Variants in AKAP13 observed in about 807,000 individuals in gnomAD.
The protein encoded by AKAP13 is A-kinase anchoring protein 13.
A neutral mutation model predicts 264.5 loss-of-function variants in AKAP13; 80 were observed. That is an observed-to-expected ratio of 0.30 (90% CI 0.25 to 0.36). The LOEUF is 0.36. Among genes scored for constraint, AKAP13 ranks in the 10% least tolerant of loss-of-function variants. The pLI is 1.00. For synonymous variants in AKAP13, 1,380 were observed against 1,250.2 expected, an observed-to-expected ratio of 1.10 and a Z score of -2.19; for missense variants, 3,712 against 3,435.2, an observed-to-expected ratio of 1.08 and a Z score of -2.01.
intron 1 of AKAP13, among the ~76,000 whole-genome samples, chr15:85,390,575 AG>A (rs200766422): frequency 2.0e-4 from 14 of 69,082 alleles, no homozygotes; most frequent in Admixed American, 1.6e-3. Context: ...AGGCATGACA[AG>A]GTTGATTTAG....
chr15:85,741,192 C>A lies in AKAP13; in HGVS notation c.7755C>A (p.Ala2585=). Reference sequence around the variant, plus strand: ...TGGAGAAGCAGCGCCAGGACCTGGCCAACCTGCAGAAGCAGCAGGCCCAGT... The same window carrying A: ...TGGAGAAGCAGCGCCAGGACCTGGCAAACCTGCAGAAGCAGCAGGCCCAGT... ...RSLEKQRQDL[A]NLQKQQAQYL... The change falls in exon 35 of 37, where the codon GCC becomes GCA. Residue 2585 remains alanine, a synonymous_variant. Coordinates refer to ENST00000394518, the MANE Select transcript of AKAP13 (RefSeq NM_007200.5). 3 of 1,611,214 alleles carry A rather than the reference C, an allele frequency of 1.9e-6. No homozygotes were observed. Among genetic ancestry groups the A allele is most frequent in the Non-Finnish European group, 2.5e-6 (3 of 1,178,752 alleles).
intron 5 of AKAP13, among the ~76,000 whole-genome samples, chr15:85,566,337 A>G (rs1296874895): frequency 2.6e-5 from 4 of 152,226 alleles, no homozygotes; most frequent in African/African-American, 9.7e-5. Context: ...ATAAGATGCC[A>G]CACATATAAG....
chr15:85,396,544 T>C (rs2071121540), intron 1 of AKAP13, among the ~76,000 whole-genome samples: 2 of 152,214 alleles, frequency 1.3e-5, no homozygotes, highest in African/African-American at 4.8e-5. Context: ...AATTCACCCA[T>C]GCTTTACTAT....
At position 85,595,397 on chromosome 15, in the gene AKAP13, C is replaced by T. The variant is rs770396958; in HGVS notation, c.4161+9574C>T. ...TACAGGCATGAGCCACTGCACCCTG[C>T]CAAATACCAGATAATTTTTGAAAGT... On this transcript the variant is annotated intron_variant, in intron 8 of 36. Coordinates refer to ENST00000394518, the MANE Select transcript of AKAP13 (RefSeq NM_007200.5). 2.8e-4 allele frequency among the ~76,000 whole-genome samples: 42 copies of T among 152,284 alleles called. No individual in the cohort carries two copies. In the Middle Eastern group the frequency reaches 0.014, roughly 49 times the overall value.
At chr15:85,486,064 G>A (rs2075531640) in intron 2 of AKAP13, among the ~76,000 whole-genome samples, 1 of 152,180 alleles carries the variant, frequency 6.6e-6, no homozygotes, top group Non-Finnish European at 1.5e-5. Flanking sequence ...TACCTGCAGT[G>A]CATTCCTGTA....
intron 9 of AKAP13, among the ~76,000 whole-genome samples, chr15:85,642,533 T>C (rs1182296708): frequency 1.3e-5 from 2 of 152,218 alleles, no homozygotes; most frequent in African/African-American, 2.4e-5. Flanking sequence ...CTTTAGGGAT[T>C]CCCCCCACCT....
At chr15:85,692,105 C>T (rs987612508) in intron 16 of AKAP13, among the ~76,000 whole-genome samples, 1 of 152,160 alleles carries the variant, frequency 6.6e-6, no homozygotes, top group South Asian at 2.1e-4. Flanking sequence ...TCCGTGCATT[C>T]TCCTATCCTC....
chr15:85,389,148 G>C (rs747264538), intron 1 of AKAP13, among the ~76,000 whole-genome samples: 51 of 152,122 alleles, frequency 3.4e-4, no homozygotes, highest in Non-Finnish European at 1.0e-4. Flanking sequence ...TTTACAATAT[G>C]CATGCTTGGC....
intron 8 of AKAP13, among the ~76,000 whole-genome samples, chr15:85,599,728 C>T (rs1198449046): frequency 6.6e-6 from 1 of 152,134 alleles, no homozygotes; most frequent in Non-Finnish European, 1.5e-5. Context: ...CAAAATAATG[C>T]ATACCTTTTA....
chr15:85,472,423 C>T (rs764158163), intron 1 of AKAP13, among the ~76,000 whole-genome samples: 15 of 151,996 alleles, frequency 9.9e-5, no homozygotes, highest in South Asian at 2.1e-4. Context: ...ATATAACACT[C>T]GTTCTGGATT....
intron 1 of AKAP13, among the ~76,000 whole-genome samples, chr15:85,399,513 A>AAATAAAT (rs1567038554): frequency 1.4e-5 from 1 of 69,966 alleles, no homozygotes; most frequent in African/African-American, 5.5e-5. Context: ...AAAAAAAAAA[A>AAATAAAT]AAAAAAAAAT....
chr15:85,677,891 G>A (rs530153224), intron 14 of AKAP13, among the ~76,000 whole-genome samples: 37 of 152,064 alleles, frequency 2.4e-4, no homozygotes, highest in South Asian at 4.1e-4. Flanking sequence ...CTCATGATCC[G>A]CCTGCCTCGG....
At chr15:85,439,283 C>G (rs1344633637) in intron 1 of AKAP13, among the ~76,000 whole-genome samples, 2 of 145,030 alleles carry the variant, frequency 1.4e-5, no homozygotes, top group Admixed American at 6.9e-5. Flanking sequence ...CCATCTCACA[C>G]CAGTTAGAAT....
intron 8 of AKAP13, among the ~76,000 whole-genome samples, chr15:85,623,363 A>G (rs768450829): frequency 1.3e-5 from 2 of 152,224 alleles, no homozygotes; most frequent in Admixed American, 6.5e-5. Flanking sequence ...GTAATTACAG[A>G]GTTTAAATTG....
At chr15:85,517,044 G>A (rs2076630320) in intron 2 of AKAP13, among the ~76,000 whole-genome samples, 1 of 152,186 alleles carries the variant, frequency 6.6e-6, no homozygotes, top group South Asian at 2.1e-4. Flanking sequence ...CAGCTGTCTT[G>A]CAGAATTCCT....
In AKAP13 at chr15:85,730,599, C is replaced by T. The variant is rs746697621; in HGVS notation, c.7174C>T (p.Pro2392Ser). The T allele has an allele frequency of 1.2e-6, 2 of 1,614,140 alleles. No homozygotes were observed. Among genetic ancestry groups the T allele is most frequent in the Non-Finnish European group, 1.7e-6 (2 of 1,180,014 alleles). ...CCGGGACATGGCTGAGTGCAGCACCCCTCTCCCAGAGGATTGCTCCCCAAC... is the reference window on the plus strand; with the variant it reads ...CCGGGACATGGCTGAGTGCAGCACCTCTCTCCCAGAGGATTGCTCCCCAAC... ...IFRDMAECST[P>S]LPEDCSPTHS... Residue 2392 changes from proline (P) to serine (S), a missense_variant, in exon 30 of 37, where the codon CCT becomes TCT. Physicochemically the swap from Pro to Ser is moderately conservative, Grantham distance 74. Around this residue, in one of 3 missense-constraint regions of AKAP13, gnomAD observed 611 missense variants for 539.3 expected, o/e 1.13. Coordinates refer to ENST00000394518, the MANE Select transcript of AKAP13 (RefSeq NM_007200.5).
intron 16 of AKAP13, among the ~76,000 whole-genome samples, chr15:85,686,797 C>T (rs1029369613): frequency 2.0e-5 from 3 of 152,136 alleles, no homozygotes; most frequent in Non-Finnish European, 4.4e-5. Flanking sequence ...TTATTAAATG[C>T]TTTGTATAGT....
At chr15:85,560,152 A>C (rs1467016609) in intron 5 of AKAP13, among the ~76,000 whole-genome samples, 2 of 151,364 alleles carry the variant, frequency 1.3e-5, no homozygotes, top group Non-Finnish European at 2.9e-5. Context: ...AAAAAAAAAA[A>C]AAAAACAGTA....
intron 3 of AKAP13, among the ~76,000 whole-genome samples, chr15:85,529,613 C>CAGGT (rs2077186728): frequency 6.6e-6 from 1 of 152,200 alleles, no homozygotes; most frequent in Non-Finnish European, 1.5e-5. Context: ...ATTTACCCCC[C>CAGGT]AGGTGCTTTA....
Sources: allele counts gnomAD v4.1 joint callset (sites outside exome capture counted in the v4.1 genomes callset), GRCh38; gene constraint gnomAD v4.1.1; regional missense constraint gnomAD v4.1.1; transcripts MANE v1.5; gene names NCBI Gene and HGNC (gene_info 2026-07-23, HGNC 2026-07-21).